The following ADAM11 variants were observed in gnomAD, a reference collection of about 807,000 sequenced individuals.
The protein encoded by ADAM11 is ADAM metallopeptidase domain 11, also known as disintegrin and metalloproteinase domain-containing protein 11.
A neutral mutation model predicts 119.1 loss-of-function variants in ADAM11; 49 were observed. That is an observed-to-expected ratio of 0.41 (90% CI 0.33 to 0.52). ADAM11 has a LOEUF of 0.52. Ranked by LOEUF, ADAM11 falls within the 20% of genes least tolerant of loss-of-function variation. The pLI is 0.20. For missense variants in ADAM11, 777 were observed against 1,047.5 expected (o/e 0.74, Z 3.56); for synonymous variants, 364 against 408.0 (o/e 0.89, Z 1.30).
In ADAM11 at chr17:44,777,281, C is replaced by T; in HGVS notation, c.1781+16C>T. ...GCAGTAAGCAGTGAGTACTGAGGCT[C>T]CCAGAGGGCCTCTCAGCTCCAGGGC... On this transcript the variant is annotated intron_variant, in intron 21 of 26. Coordinates refer to ENST00000200557, the MANE Select transcript of ADAM11 (RefSeq NM_002390.6). This position sits in a 1 kb window ranked among gnomAD's most constrained non-coding sequence, Gnocchi z 5.1. 1 of 1,586,914 alleles carries T rather than the reference C, an allele frequency of 6.3e-7. No homozygotes were observed. The highest frequency in any genetic ancestry group is 1.1e-5 in the South Asian group (1 of 88,732).
chr17:44,771,289 C>A (rs2049519836), intron 4 of ADAM11, among the ~76,000 whole-genome samples: 1 of 126,102 alleles, frequency 7.9e-6, no homozygotes, highest in Admixed American at 8.9e-5. Context: ...GACAGCAAGA[C>A]CCTGTCTCAA....
At chr17:44,763,350 G>T (rs2049411322) in intron 2 of ADAM11, among the ~76,000 whole-genome samples, 1 of 152,224 alleles carries the variant, frequency 6.6e-6, no homozygotes, top group Admixed American at 6.5e-5. Flanking sequence ...ACAGAGTCAA[G>T]ACTGATCCTC....
intron 2 of ADAM11, among the ~76,000 whole-genome samples, chr17:44,768,083 G>T (rs1466681305): frequency 2.6e-5 from 4 of 152,248 alleles, no homozygotes; most frequent in Non-Finnish European, 2.9e-5. Flanking sequence ...TCAGAGAGCA[G>T]CATTGGGGCA....
At chr17:44,769,280 C>T (rs939986155) in intron 2 of ADAM11, among the ~76,000 whole-genome samples, 9 of 152,202 alleles carry the variant, frequency 5.9e-5, no homozygotes, top group Admixed American at 3.3e-4. Flanking sequence ...GGACAGGCAG[C>T]GAGGGTCCTG....
chr17:44,777,629 G>A lies in ADAM11; in HGVS notation c.1901+28G>A. 1 of 1,613,954 alleles carries A rather than the reference G, an allele frequency of 6.2e-7. No individual in the cohort carries two copies. Among genetic ancestry groups the A allele is most frequent in the Admixed American group, 1.7e-5 (1 of 60,016 alleles). ...GCTGGCCAGGACCAAGACTAGGGAG[G>A]GGAGGTTGCAGCTGTGCTGGGGGTT... On this transcript the variant is annotated intron_variant, in intron 22 of 26. Transcript: ENST00000200557. This position sits in a 1 kb window ranked among gnomAD's most constrained non-coding sequence, Gnocchi z 5.1.
rs771880119 is a variant in ADAM11, at chr17:44,779,867, C to A, written c.*113C>A. Reference sequence around the variant, plus strand: ...CATGCAAATGTCTTCCAGGTCCAAACCCTTCAACTCCTGGCTCCGCAGGGG... The same window carrying A: ...CATGCAAATGTCTTCCAGGTCCAAAACCTTCAACTCCTGGCTCCGCAGGGG... On this transcript the variant is annotated 3_prime_UTR_variant, in exon 27 of 27. Coordinates refer to ENST00000200557, the MANE Select transcript of ADAM11 (RefSeq NM_002390.6). 7.0e-6 allele frequency: 10 copies of A among 1,432,434 alleles called. No individual in the cohort carries two copies. Among genetic ancestry groups the A allele is most frequent in the Admixed American group, 1.7e-5 (1 of 57,480 alleles). 88.7% of individuals were successfully genotyped at this position (1,432,434 alleles called of 1,614,324 possible). A position where few individuals can be genotyped will look rare whatever the true frequency, so the allele number is the denominator to read the frequency against.
Position 44,775,571 on chromosome 17 carries a change from C to T in ADAM11, c.1393-13C>T. The T allele has an allele frequency of 6.4e-7, 1 of 1,563,638 alleles. No homozygotes were observed. The highest frequency in any genetic ancestry group is 8.6e-7 in the Non-Finnish European group (1 of 1,156,644). On this transcript the variant is annotated splice_polypyrimidine_tract_variant and intron_variant, in intron 16 of 26. Coordinates refer to ENST00000200557, the MANE Select transcript of ADAM11 (RefSeq NM_002390.6). The surrounding 1 kb of genome is among the most constrained non-coding windows in gnomAD (Gnocchi z 7.5). Reference sequence around the variant, plus strand: ...GCTCGCCCGCCTCCTTCCCCTCCTCCCGCGTCCCTCAGGAGTGCAGCCGCG... The same window carrying T: ...GCTCGCCCGCCTCCTTCCCCTCCTCTCGCGTCCCTCAGGAGTGCAGCCGCG...
intron 2 of ADAM11, among the ~76,000 whole-genome samples, chr17:44,765,250 G>A (rs2049433583): frequency 6.6e-6 from 1 of 151,928 alleles, no homozygotes; most frequent in South Asian, 2.1e-4. Flanking sequence ...TCTCCCAGCT[G>A]GGACATACTC....
At position 44,779,878 on chromosome 17, in the gene ADAM11, C is replaced by T. The variant is rs1453533020; in HGVS notation, c.*124C>T. 1.4e-6 allele frequency: 2 copies of T among 1,383,822 alleles called. No individual in the cohort carries two copies. Among genetic ancestry groups the T allele is most frequent in the African/African-American group, 2.9e-5 (2 of 69,658 alleles). 85.7% of individuals were successfully genotyped at this position (1,383,822 alleles called of 1,614,324 possible). On this transcript the variant is annotated 3_prime_UTR_variant, in exon 27 of 27. Coordinates refer to ENST00000200557, the MANE Select transcript of ADAM11 (RefSeq NM_002390.6). ...CTTCCAGGTCCAAACCCTTCAACTC[C>T]TGGCTCCGCAGGGGTTTGGGTGGGG...
At chr17:44,767,244 T>C (rs990383098) in intron 2 of ADAM11, among the ~76,000 whole-genome samples, 1 of 148,060 alleles carries the variant, frequency 6.8e-6, no homozygotes, top group African/African-American at 2.5e-5. Flanking sequence ...CAATCCCAGC[T>C]CCTCGGGAGG....
Position 44,764,650 on chromosome 17 carries a change from G to A in ADAM11, c.237+4753G>A, listed in dbSNP as rs565407983. ...GGCTTTGAGGTGGCACAGCCTTAGTGCAGGTCCTGCTCCCCTGCTTCTGAC... is the reference window on the plus strand; with the variant it reads ...GGCTTTGAGGTGGCACAGCCTTAGTACAGGTCCTGCTCCCCTGCTTCTGAC... On this transcript the variant is annotated intron_variant, in intron 2 of 26. Coordinates refer to ENST00000200557, the MANE Select transcript of ADAM11 (RefSeq NM_002390.6). Among the ~76,000 whole-genome samples, 108 of 152,314 alleles carry A rather than the reference G, an allele frequency of 7.1e-4. 2 individuals are homozygous for A. In the South Asian group the frequency reaches 0.021, roughly 29 times the overall value.
At position 44,776,292 on chromosome 17, in the gene ADAM11, G is replaced by C; in HGVS notation, c.1566+85G>C. The C allele has an allele frequency of 7.0e-7, 1 of 1,435,202 alleles. No homozygotes were observed. Among genetic ancestry groups the C allele is most frequent in the Admixed American group, 1.7e-5 (1 of 58,088 alleles). The allele number at this position is 1,435,202 out of a possible 1,614,324, so 88.9% of individuals were successfully genotyped here. ...TTTGGTTTTCCCGGACGAGTGCTCA[G>C]CACTCCCCTCCTCTCCACAGCTGGC... is the stretch of plus-strand genomic sequence containing the variant. On this transcript the variant is annotated intron_variant, in intron 18 of 26. Coordinates refer to ENST00000200557, the MANE Select transcript of ADAM11 (RefSeq NM_002390.6). This position sits in a 1 kb window ranked among gnomAD's most constrained non-coding sequence, Gnocchi z 5.2.
intron 2 of ADAM11, among the ~76,000 whole-genome samples, chr17:44,760,692 G>A (rs2049378926): frequency 6.6e-6 from 1 of 152,160 alleles, no homozygotes; most frequent in South Asian, 2.1e-4. Flanking sequence ...GAGGTATAGG[G>A]GGGAGACCCA....
intron 2 of ADAM11, among the ~76,000 whole-genome samples, chr17:44,768,964 C>A (rs2049484461): frequency 6.6e-6 from 1 of 152,204 alleles, no homozygotes; most frequent in Non-Finnish European, 1.5e-5. Context: ...GCCTGGGGGG[C>A]CGCCATCTTG....
rs1274906806 is a variant in ADAM11 at position 44,775,885 on chromosome 17, G to T, written c.1485+209G>T. Among the ~76,000 whole-genome samples the T allele has an allele frequency of 2.0e-5, 3 of 151,870 alleles. No homozygotes were observed. Among genetic ancestry groups the T allele is most frequent in the African/African-American group, 7.3e-5 (3 of 41,314 alleles). On this transcript the variant is annotated intron_variant, in intron 17 of 26. Coordinates refer to ENST00000200557, the MANE Select transcript of ADAM11 (RefSeq NM_002390.6). The surrounding 1 kb of genome is among the most constrained non-coding windows in gnomAD (Gnocchi z 7.5). ...GGGCTACGAGGAGCGGGAAGGGAAG[G>T]CTGCCCAGAATCAAGGAGGGGCGGG...
chr17:44,765,509 C>T (rs889029684), intron 2 of ADAM11, among the ~76,000 whole-genome samples: 2 of 151,834 alleles, frequency 1.3e-5, no homozygotes, highest in African/African-American at 2.4e-5. Flanking sequence ...GGAACATTTA[C>T]ACTTCCTTCT....
Position 44,774,287 on chromosome 17 carries a change from C to T in ADAM11, c.993-8C>T. 6.9e-7 allele frequency: 1 copy of T among 1,458,496 alleles called. No individual in the cohort carries two copies. Among genetic ancestry groups the T allele is most frequent in the Non-Finnish European group, 9.1e-7 (1 of 1,103,702 alleles). 90.3% of individuals were successfully genotyped at this position (1,458,496 alleles called of 1,614,324 possible). Reference sequence around the variant, plus strand: ...AGGAGGCCATCCTGACAGCGCACTCCCTTCCAGGGGCAGGACCTTCCAGAG... The same window carrying T: ...AGGAGGCCATCCTGACAGCGCACTCTCTTCCAGGGGCAGGACCTTCCAGAG... On this transcript the variant is annotated splice_polypyrimidine_tract_variant and splice_region_variant and intron_variant, in intron 11 of 26. Transcript: ENST00000200557.
chr17:44,771,433 C>T, intron 4 of ADAM11, 151 bp from the exon 5 acceptor site: 1 of 781,386 alleles, frequency 1.3e-6, no homozygotes, highest in Non-Finnish European at 2.0e-6. Context: ...GAGCACCAGC[C>T]ATCTAGAAAC....
At chr17:44,778,965 C>T (rs1296857080) in intron 25 of ADAM11, among the ~76,000 whole-genome samples, 2 of 152,116 alleles carry the variant, frequency 1.3e-5, no homozygotes, top group East Asian at 1.9e-4. Context: ...GTCTAACCCC[C>T]TTAATGTGCA....
Sources: gnomAD v4.1 joint callset for allele counts (sites outside exome capture counted in the v4.1 genomes callset) on GRCh38, gnomAD v4.1.1 for gene constraint, Gnocchi (gnomAD v3.1) non-coding constraint, MANE v1.5 for transcripts, NCBI Gene and HGNC (gene_info 2026-07-23, HGNC 2026-07-21) for gene names.